SMUG1: variants seen among roughly 807,000 people sequenced by gnomAD.
The protein encoded by SMUG1 is single-strand-selective monofunctional uracil-DNA glycosylase 1.
A neutral mutation model predicts 23.9 loss-of-function variants in SMUG1; 13 were observed. The observed-to-expected ratio is 0.54, with a 90% CI of 0.35 to 0.86. The LOEUF (loss-of-function observed/expected upper bound fraction) is 0.86, where lower values mean the gene tolerates loss of function less well. Among genes scored for constraint, SMUG1 ranks in the 40% least tolerant of loss-of-function variants. The probability of loss-of-function intolerance (pLI) is 0.01; values close to 1 mark genes in which losing one functional copy is unlikely to be tolerated. For missense variants in SMUG1, 313 were observed against 339.5 expected (o/e 0.92, Z 0.61); for synonymous variants, 133 against 139.8 (o/e 0.95, Z 0.34).
downstream of SMUG1, among the ~76,000 whole-genome samples, chr12:54,161,280 A>G (rs773061922): frequency 1.1e-4 from 16 of 151,054 alleles, no homozygotes; most frequent in Non-Finnish European, 2.2e-4. The surrounding 1 kb of genome is among the most constrained non-coding windows in gnomAD (Gnocchi z 4.2). Flanking sequence ...AGATCATTAA[A>G]CCCCGAGAGC....
rs750929214 is a variant in SMUG1, at chr12:54,182,383, T to C, written c.526A>G (p.Asn176Asp). 2 of 1,614,128 alleles carry C rather than the reference T, an allele frequency of 1.2e-6. No individual in the cohort carries two copies. The highest frequency in any genetic ancestry group is 4.5e-5 in the East Asian group (2 of 44,864). Residue 176 changes from asparagine (N) to aspartate (D), a missense_variant, in exon 4 of 4, where the codon AAC (asparagine) becomes GAC (aspartate). Coordinates refer to ENST00000682136, the MANE Select transcript of SMUG1 (RefSeq NM_001243787.2). ...GCAGGCAGCTCAGCAGGAGTAAGGT[T>C]GCGCCCGCTGGGAGCCAGGAAAAGC... ...PLLFLAPSGRNLTPAELPAKQ... is the reference protein window; with the variant it reads ...PLLFLAPSGRDLTPAELPAKQ...
At chr12:54,170,492 CTGGGA>C (rs1940588731) in intron 3 of SMUG1, among the ~76,000 whole-genome samples, 1 of 152,068 alleles carries the variant, frequency 6.6e-6, no homozygotes, top group Non-Finnish European at 1.5e-5. Context: ...ACCAGGGCAG[CTGGGA>C]ATGAAAAAGA....
chr12:54,183,327 G>C, intron 3 of SMUG1: 1 of 497,274 alleles, frequency 2.0e-6, no homozygotes, highest in Non-Finnish European at 3.6e-6. Flanking sequence ...AGCAGTCCTA[G>C]TCCCTCTTCT....
chr12:54,175,767 C>T (rs1413903037), downstream of SMUG1, among the ~76,000 whole-genome samples: 2 of 152,220 alleles, frequency 1.3e-5, no homozygotes, highest in East Asian at 1.9e-4. Flanking sequence ...AATTCACCTC[C>T]GTCACTCCCT....
At position 54,182,168 on chromosome 12, in the gene SMUG1, G is replaced by A. The variant is rs773044084; in HGVS notation, c.741C>T (p.Ala247=). ...TGGCCACTGCCTCCCAGCCCTTGTT[G>A]GCCTGTGGGTTACGGGGAGAGGGAT... ...LLHPSPRNPQ[A]NKGWEAVAKE... Residue 247 remains alanine, a synonymous_variant, in exon 4 of 4, where the codon GCC becomes GCT. Transcript: ENST00000682136. 3 of 1,603,968 alleles carry A rather than the reference G, an allele frequency of 1.9e-6. No individual in the cohort carries two copies. The highest frequency in any genetic ancestry group is 2.6e-6 in the Non-Finnish European group (3 of 1,173,746).
chr12:54,169,277 G>A (rs958073392), intron 3 of SMUG1, among the ~76,000 whole-genome samples: 3 of 152,178 alleles, frequency 2.0e-5, no homozygotes, highest in African/African-American at 4.8e-5. Flanking sequence ...GGCTGTCATG[G>A]TCAGCAGCAG....
In SMUG1 at chr12:54,180,708, T is replaced by C. The variant is rs780078503; in HGVS notation, c.*1388A>G. On this transcript the variant is annotated 3_prime_UTR_variant, in exon 4 of 4. Coordinates refer to ENST00000682136, the MANE Select transcript of SMUG1 (RefSeq NM_001243787.2). ...AGACCCTGCAGGTTTGGTAAGGCAA[T>C]TGGAGATCTGCTACATCCAGCCAGG... The C allele has an allele frequency of 3.3e-5, 5 of 152,154 alleles. No homozygotes were observed. The highest frequency in any genetic ancestry group is 6.5e-5 in the Admixed American group (1 of 15,272). The allele number at this position is 152,154 out of a possible 1,614,324, so 9.4% of individuals were successfully genotyped here.
downstream of SMUG1, among the ~76,000 whole-genome samples, chr12:54,161,579 C>T (rs1253419401): frequency 2.6e-5 from 4 of 152,242 alleles, no homozygotes; most frequent in East Asian, 3.8e-4. The surrounding 1 kb of genome is among the most constrained non-coding windows in gnomAD (Gnocchi z 4.2). Context: ...CTTCTCTCTC[C>T]ACTTCTCCCA....
intron 3 of SMUG1, among the ~76,000 whole-genome samples, chr12:54,171,619 G>A (rs1019931232): frequency 2.7e-5 from 4 of 150,236 alleles, no homozygotes; most frequent in African/African-American, 9.8e-5. Context: ...CCTGGGAGGC[G>A]GAGGTTGCAG....
downstream of SMUG1, among the ~76,000 whole-genome samples, chr12:54,177,926 T>G (rs184975034): frequency 2.0e-3 from 303 of 152,208 alleles, no homozygotes; most frequent in Non-Finnish European, 3.6e-3. Flanking sequence ...CCCTGCCGAT[T>G]TGTATGTTGA....
intron 2 of SMUG1, chr12:54,175,145 C>A (rs1940722000): frequency 6.6e-6 from 1 of 152,222 alleles, no homozygotes; most frequent in Non-Finnish European, 1.5e-5. Flanking sequence ...GCCCTATATC[C>A]TCCTAAACAA....
Position 54,183,747 on chromosome 12 carries a change from T to C in SMUG1, c.194A>G (p.His65Arg). Residue 65 changes from histidine to arginine, a missense_variant, in exon 3 of 4, where the codon CAT (histidine) becomes CGT (arginine). Physicochemically the swap from His to Arg is conservative, Grantham distance 29 (BLOSUM62 0). Transcript: ENST00000682136. ...YNPVEYAWEP[H>R]RNYVTRYCQG... ...GCAGTAGCGAGTCACGTAGTTGCGATGTGGCTCCCATGCATACTCCACGGG... is the reference window on the plus strand; with the variant it reads ...GCAGTAGCGAGTCACGTAGTTGCGACGTGGCTCCCATGCATACTCCACGGG... The C allele has an allele frequency of 2.5e-6, 4 of 1,614,056 alleles. No individual in the cohort carries two copies. The highest frequency in any genetic ancestry group is 1.1e-5 in the South Asian group (1 of 91,072).
chr12:54,180,016 A>G (rs114440592), downstream of SMUG1, among the ~76,000 whole-genome samples: 55 of 151,730 alleles, frequency 3.6e-4, no homozygotes, highest in African/African-American at 1.1e-3. Flanking sequence ...AGAAGTTTTT[A>G]TATCTAGAGT....
chr12:54,176,722 G>C (rs1275184144), downstream of SMUG1, among the ~76,000 whole-genome samples: 1 of 151,100 alleles, frequency 6.6e-6, no homozygotes, highest in Non-Finnish European at 1.5e-5. Context: ...CAGGAGAATG[G>C]CGTGAACCCG....
chr12:54,180,043 T>C (rs1215984659), downstream of SMUG1, among the ~76,000 whole-genome samples: 2 of 152,156 alleles, frequency 1.3e-5, no homozygotes, highest in Admixed American at 6.5e-5. Context: ...ATAGATATAA[T>C]TGGTTAAAAT....
intron 2 of SMUG1, among the ~76,000 whole-genome samples, chr12:54,173,967 G>A (rs1467412724): frequency 6.6e-6 from 1 of 152,138 alleles, no homozygotes; most frequent in African/African-American, 2.4e-5. Flanking sequence ...TGTCCATCTG[G>A]AAGACTGAAA....
intron 3 of SMUG1, among the ~76,000 whole-genome samples, chr12:54,168,915 G>C (rs1224190517): frequency 6.6e-6 from 1 of 152,126 alleles, no homozygotes. Flanking sequence ...AGATGGAAAT[G>C]AGAAAAAGGG....
At chr12:54,168,771 A>G (rs992845724) in intron 3 of SMUG1, among the ~76,000 whole-genome samples, 2 of 152,118 alleles carry the variant, frequency 1.3e-5, no homozygotes, top group African/African-American at 4.8e-5. Flanking sequence ...TTGACTGAAG[A>G]ATCTCTCAAG....
At chr12:54,158,888 A>G (rs1940134394) in intron 4 of SMUG1, among the ~76,000 whole-genome samples, 1 of 152,140 alleles carries the variant, frequency 6.6e-6, no homozygotes, top group Admixed American at 6.5e-5. Flanking sequence ...GCTCAAGTGC[A>G]CTTATCCCTG....
Sources: gnomAD v4.1 joint callset for allele counts (sites outside exome capture counted in the v4.1 genomes callset) on GRCh38, gnomAD v4.1.1 for gene constraint, Gnocchi (gnomAD v3.1) non-coding constraint, MANE v1.5 for transcripts, NCBI Gene and HGNC (gene_info 2026-07-23, HGNC 2026-07-21) for gene names.